The following TRIM54 variants were observed in gnomAD, a reference collection of about 807,000 sequenced individuals.
The protein encoded by TRIM54 is tripartite motif-containing protein 54.
Under a neutral mutation model 42.0 loss-of-function variants are expected in TRIM54, and 40 were observed. The observed-to-expected ratio is 0.95, with a 90% CI of 0.74 to 1.24. The LOEUF is 1.24. TRIM54 is among the 50% of genes most tolerant of loss of function. The probability of loss-of-function intolerance (pLI) is 0.00; values close to 1 mark genes in which losing one functional copy is unlikely to be tolerated. For synonymous variants in TRIM54, 199 were observed against 194.9 expected, an observed-to-expected ratio of 1.02 and a Z score of -0.17; for missense variants, 485 against 480.3, an observed-to-expected ratio of 1.01 and a Z score of -0.09.
chr2:27,291,742 G>A (rs1318610273), intron 1 of TRIM54, among the ~76,000 whole-genome samples: 1 of 152,188 alleles, frequency 6.6e-6, no homozygotes, highest in Non-Finnish European at 1.5e-5. Context: ...TTGGCTGGGG[G>A]CTAGCATTGC....
At chr2:27,298,866 G>A in intron 2 of TRIM54, 127 bp downstream of exon 2, 2 of 1,072,830 alleles carry the variant, frequency 1.9e-6, no homozygotes, top group Non-Finnish European at 2.6e-6. Flanking sequence ...CCATAGGACT[G>A]GATCCGGAGA....
chr2:27,307,303 C>CA lies in TRIM54; in HGVS notation c.*419dup. 1.4e-6 allele frequency: 1 copy of CA among 737,658 alleles called. No individual in the cohort carries two copies. Among genetic ancestry groups the CA allele is most frequent in the Non-Finnish European group, 2.1e-6 (1 of 468,538 alleles). 45.7% of individuals were successfully genotyped at this position (737,658 alleles called of 1,614,324 possible). On this transcript the variant is annotated 3_prime_UTR_variant, in exon 9 of 9. Transcript: ENST00000380075. This position sits in a 1 kb window ranked among gnomAD's most constrained non-coding sequence, Gnocchi z 6.9. Reference sequence around the variant, plus strand: ...TGAAAGCCGCTGTCTCGGAGCCCCCCACAGCATTTTGTTCCCCTCCCGCTG... The same window carrying CA: ...TGAAAGCCGCTGTCTCGGAGCCCCCCAACAGCATTTTGTTCCCCTCCCGCTG...
chr2:27,288,948 G>A (rs571422444), intron 1 of TRIM54, among the ~76,000 whole-genome samples: 9 of 152,278 alleles, frequency 5.9e-5, no homozygotes, highest in African/African-American at 1.9e-4. Flanking sequence ...GAACCAATCA[G>A]TTATCTCTTA....
intron 1 of TRIM54, among the ~76,000 whole-genome samples, chr2:27,285,625 T>C (rs1266172497): frequency 6.6e-6 from 1 of 152,222 alleles, no homozygotes; most frequent in Admixed American, 6.5e-5. Flanking sequence ...CACATTTGCA[T>C]GTATATGTGT....
At position 27,306,665 on chromosome 2, in the gene TRIM54, C is replaced by G; in HGVS notation, c.*1+123C>G. 1 of 1,074,536 alleles carries G rather than the reference C, an allele frequency of 9.3e-7. No homozygotes were observed. The highest frequency in any genetic ancestry group is 1.3e-6 in the Non-Finnish European group (1 of 759,732). 66.6% of individuals were successfully genotyped at this position (1,074,536 alleles called of 1,614,324 possible). ...CTCCCTGCGGGTAGCGTGGAGCCCC[C>G]ACTCCTCGGTGCAACCCAACCCCGG... On this transcript the variant is annotated intron_variant, in intron 8 of 8. Transcript: ENST00000380075. The surrounding 1 kb of genome is among the most constrained non-coding windows in gnomAD (Gnocchi z 6.1).
rs1678938266 is a variant in TRIM54, at chr2:27,298,683, G to A, written c.285G>A (p.Leu95=). 3 of 1,614,186 alleles carry A rather than the reference G, an allele frequency of 1.9e-6. No individual in the cohort carries two copies. Among genetic ancestry groups the A allele is most frequent in the Non-Finnish European group, 2.5e-6 (3 of 1,180,022 alleles). Residue 95 remains leucine (L), a synonymous_variant, in exon 2 of 9, where the codon CTG becomes CTA. Transcript: ENST00000380075. ...VVLDRHGVYG[L]QRNLLVENII... ...TGGACAGACACGGTGTCTACGGCCTGCAGCGAAACCTGCTAGTGGAGAACA... is the reference window on the plus strand; with the variant it reads ...TGGACAGACACGGTGTCTACGGCCTACAGCGAAACCTGCTAGTGGAGAACA...
intron 1 of TRIM54, 54 bp from the exon 2 acceptor site, chr2:27,298,513 C>G (rs1357779311): frequency 1.3e-6 from 2 of 1,496,132 alleles, no homozygotes; most frequent in Non-Finnish European, 1.8e-6. Context: ...CTGCCTCCTC[C>G]GAGTCCCTTC....
At position 27,287,808 on chromosome 2, in the gene TRIM54, C is replaced by T. The variant is rs113195606; in HGVS notation, c.168+4909C>T. On this transcript the variant is annotated intron_variant, in intron 1 of 8. Coordinates refer to ENST00000380075, the MANE Select transcript of TRIM54 (RefSeq NM_187841.3). ...CCTCCAAAAGCTCTGGGGTTATAGGCGTGAGCCACTGCACCTGGCCTTAAA... is the reference window on the plus strand; with the variant it reads ...CCTCCAAAAGCTCTGGGGTTATAGGTGTGAGCCACTGCACCTGGCCTTAAA... Among the ~76,000 whole-genome samples, 31 of 152,344 alleles carry T rather than the reference C, an allele frequency of 2.0e-4. 1 individual carries two copies. The highest frequency in any genetic ancestry group is 6.7e-4 in the African/African-American group (28 of 41,582).
rs1218283071 is a variant in TRIM54 at position 27,293,069 on chromosome 2, C to T, written c.169-5498C>T. Among the ~76,000 whole-genome samples, 3 of 152,090 alleles carry T rather than the reference C, an allele frequency of 2.0e-5. No individual in the cohort carries two copies. In the East Asian group the frequency reaches 5.8e-4, roughly 29 times the overall value. On this transcript the variant is annotated intron_variant, in intron 1 of 8. Transcript: ENST00000380075. ...TGTTATTTCTTTTAAAATGGTATAT[C>T]GAAATGGTATTGATTCTTGGAGTAT...
rs370274104 is a variant in TRIM54 at position 27,298,599 on chromosome 2, C to A, written c.201C>A (p.Ser67=). ...ATCCTCTATGGCAGTCCCGGGGCTC[C>A]ACCACTGTGTCTTCAGGAGGCCGTT... The part of the protein sequence containing the change: ...ASNPLWQSRG[S]TTVSSGGRFR... Residue 67 remains serine (S), a synonymous_variant, in exon 2 of 9, where the codon TCC becomes TCA. Transcript: ENST00000380075. 26 of 1,613,994 alleles carry A rather than the reference C, an allele frequency of 1.6e-5. No individual in the cohort carries two copies. In the African/African-American group the frequency reaches 3.2e-4, roughly 20 times the overall value.
chr2:27,305,447 G>C (rs1006503139), intron 4 of TRIM54, 137 bp from the exon 5 acceptor site: 2 of 679,146 alleles, frequency 2.9e-6, no homozygotes, highest in African/African-American at 3.6e-5. Context: ...TCTGGGCTGG[G>C]TTCTGGCTCA....
chr2:27,290,208 ATTAAAAAGTCTCCC>A (rs1245387154), intron 1 of TRIM54, among the ~76,000 whole-genome samples: 1 of 152,106 alleles, frequency 6.6e-6, no homozygotes, highest in Non-Finnish European at 1.5e-5. Context: ...AATTTTTTTA[ATTAAAAAGTCTCCC>A]AGAGGGGACA....
At chr2:27,293,728 A>G (rs1346953946) in intron 1 of TRIM54, among the ~76,000 whole-genome samples, 1 of 152,182 alleles carries the variant, frequency 6.6e-6, no homozygotes, top group Non-Finnish European at 1.5e-5. Context: ...TTAAAAAACA[A>G]AAACAAAAAA....
At chr2:27,283,764 G>GCACACACACACACGCA (rs1678456803) in intron 1 of TRIM54, among the ~76,000 whole-genome samples, 3 of 117,866 alleles carry the variant, frequency 2.5e-5, no homozygotes, top group African/African-American at 1.0e-4. Context: ...AGGGGCAAAG[G>GCACACACACACACGCA]CACACACACA....
intron 1 of TRIM54, among the ~76,000 whole-genome samples, chr2:27,294,310 G>A (rs920418556): frequency 2.6e-5 from 4 of 151,824 alleles, no homozygotes; most frequent in Admixed American, 6.6e-5. Flanking sequence ...TTGTAGAGAC[G>A]TGGTTTCACT....
In TRIM54 at chr2:27,302,915, G is replaced by C. The variant is rs13407621; in HGVS notation, c.514-2044G>C. ...CACTTTCCTCATGTGTAAAATTAGGGTGAAAATGCCTACTTGTGAAAGTAG... is the reference window on the plus strand; with the variant it reads ...CACTTTCCTCATGTGTAAAATTAGGCTGAAAATGCCTACTTGTGAAAGTAG... On this transcript the variant is annotated intron_variant, in intron 3 of 8. Transcript: ENST00000380075. Among the ~76,000 whole-genome samples the C allele has an allele frequency of 9.0e-3, 1,373 of 152,296 alleles. 22 individuals are homozygous for C. The highest frequency in any genetic ancestry group is 0.032 in the African/African-American group (1,314 of 41,552).
Position 27,306,205 on chromosome 2 carries a change from C to T in TRIM54, c.867-8C>T, listed in dbSNP as rs751482951. ...GCATTGCCAGCTGAGTCCGTGTGGC[C>T]ACTGCAGGGTCGGGGCCATGTCGAA... is the stretch of plus-strand genomic sequence containing the variant. On this transcript the variant is annotated splice_polypyrimidine_tract_variant and splice_region_variant and intron_variant, in intron 6 of 8. Transcript: ENST00000380075. This position sits in a 1 kb window ranked among gnomAD's most constrained non-coding sequence, Gnocchi z 6.1. 33 of 1,614,048 alleles carry T rather than the reference C, an allele frequency of 2.0e-5. No individual in the cohort carries two copies. Among genetic ancestry groups the T allele is most frequent in the Non-Finnish European group, 2.7e-5 (32 of 1,180,018 alleles).
rs111808954 is a variant in TRIM54 at position 27,300,075 on chromosome 2, A to C, written c.513+659A>C. 3.9e-3 allele frequency among the ~76,000 whole-genome samples: 595 copies of C among 150,964 alleles called. 3 individuals are homozygous for C. Among genetic ancestry groups the C allele is most frequent in the African/African-American group, 0.014 (566 of 40,936 alleles). On this transcript the variant is annotated intron_variant, in intron 3 of 8. Transcript: ENST00000380075. ...GCAGCAGCCTTGAACTCCTGGGCTC[A>C]AGTGATCCCTACCACCTCAATCTCC...
At chr2:27,305,848 A>C in intron 5 of TRIM54, 31 bp downstream of exon 5, 3 of 1,536,568 alleles carry the variant, frequency 2.0e-6, no homozygotes, top group Non-Finnish European at 2.7e-6. Flanking sequence ...GCAGCGCTGC[A>C]CAGTGGCTGG....
Sources: allele counts gnomAD v4.1 joint callset (sites outside exome capture counted in the v4.1 genomes callset), GRCh38; gene constraint gnomAD v4.1.1; non-coding constraint Gnocchi (gnomAD v3.1); transcripts MANE v1.5; gene names NCBI Gene and HGNC (gene_info 2026-07-23, HGNC 2026-07-21).